Variants in KDM4B observed in about 807,000 individuals in gnomAD.
The protein encoded by KDM4B is lysine demethylase 4B, also known as lysine-specific demethylase 4B.
In KDM4B, 32 loss-of-function variants were observed where a neutral mutation model predicts 125.2. The ratio of observed to expected loss-of-function variants is 0.26; its 90% CI spans 0.19 to 0.34. KDM4B has a LOEUF of 0.34. Ranked by LOEUF, KDM4B falls within the 10% of genes least tolerant of loss-of-function variation. The pLI, the probability that KDM4B is intolerant of heterozygous loss-of-function variation, is 1.00. For synonymous variants in KDM4B, 721 were observed against 677.9 expected (o/e 1.06, Z -0.99); for missense variants, 1,190 against 1,577.7 (o/e 0.75, Z 4.16).
In KDM4B at chr19:5,151,380, G is replaced by A; in HGVS notation, c.3160G>A (p.Glu1054Lys). ...APQEPAFSGE[E>K]AKAAKRPRVG... Reference sequence around the variant, plus strand: ...GCAGGAGCCCGCCTTCTCGGGGGAGGAGGCCAAGGCCGCCAAGCGCCCGCG... The same window carrying A: ...GCAGGAGCCCGCCTTCTCGGGGGAGAAGGCCAAGGCCGCCAAGCGCCCGCG... The change falls in exon 23 of 23, where the codon GAG (glutamate) becomes AAG (lysine). Residue 1054 changes from glutamate (E) to lysine (K), a missense_variant. Glu to Lys is a moderately conservative substitution (Grantham distance 56). Coordinates refer to ENST00000159111, the MANE Select transcript of KDM4B (RefSeq NM_015015.3). 1 of 1,588,030 alleles carries A rather than the reference G, an allele frequency of 6.3e-7. No individual in the cohort carries two copies. Among genetic ancestry groups the A allele is most frequent in the Non-Finnish European group, 8.6e-7 (1 of 1,169,276 alleles).
At chr19:5,058,369 G>A (rs1599525278) in intron 6 of KDM4B, among the ~76,000 whole-genome samples, 1 of 152,220 alleles carries the variant, frequency 6.6e-6, no homozygotes, top group East Asian at 1.9e-4. Context: ...AGGCCCGGGA[G>A]CCCTTGGGAT....
intron 1 of KDM4B, among the ~76,000 whole-genome samples, chr19:5,007,655 C>T (rs2035604795): frequency 6.6e-6 from 1 of 151,530 alleles, no homozygotes; most frequent in South Asian, 2.1e-4. Context: ...AAGCGATCCT[C>T]CCACCTCAGC....
At chr19:5,079,293 TTCA>T (rs2038216178) in intron 8 of KDM4B, 2 of 152,192 alleles carry the variant, frequency 1.3e-5, no homozygotes, top group Admixed American at 6.5e-5. Flanking sequence ...GCAAAGCCTA[TTCA>T]TCATCCCAAC....
At position 5,087,766 on chromosome 19, in the gene KDM4B, G is replaced by A. The variant is rs142228303; in HGVS notation, c.918+5262G>A. 7.4e-3 allele frequency among the ~76,000 whole-genome samples: 1,126 copies of A among 152,292 alleles called. 10 individuals carry two copies. Among genetic ancestry groups the A allele is most frequent in the Non-Finnish European group, 0.012 (816 of 68,028 alleles). On this transcript the variant is annotated intron_variant, in intron 9 of 22. Coordinates refer to ENST00000159111, the MANE Select transcript of KDM4B (RefSeq NM_015015.3). ...GCGGTCTGCAGCCTCGGTGTGCGAC[G>A]TTTCTTAAGCACACAGGTGTTAAGT...
chr19:5,142,044 G>A lies in KDM4B; in HGVS notation c.2551-1923G>A, dbSNP rs1269370825. 6.6e-6 allele frequency among the ~76,000 whole-genome samples: 1 copy of A among 152,172 alleles called. No individual in the cohort carries two copies. Among genetic ancestry groups the A allele is most frequent in the East Asian group, 1.9e-4 (1 of 5,186 alleles). Reference sequence around the variant, plus strand: ...GCCACTGCGCCTCAGTGTGTGACAGGCTGAGGACACAGCTTCATGGGTGGT... The same window carrying A: ...GCCACTGCGCCTCAGTGTGTGACAGACTGAGGACACAGCTTCATGGGTGGT... On this transcript the variant is annotated intron_variant, in intron 18 of 22. Coordinates refer to ENST00000159111, the MANE Select transcript of KDM4B (RefSeq NM_015015.3). The surrounding 1 kb of genome is among the most constrained non-coding windows in gnomAD (Gnocchi z 5.4).
intron 16 of KDM4B, 137 bp downstream of exon 16, chr19:5,137,475 C>A: frequency 8.4e-7 from 1 of 1,197,244 alleles, no homozygotes. Context: ...GGGTGGAACC[C>A]AAGGGATTCC....
At chr19:4,985,289 G>A (rs197152) in intron 1 of KDM4B, among the ~76,000 whole-genome samples, 137,016 of 152,172 alleles carry the variant, frequency 0.9, 61,823 homozygotes, top group African/African-American at 0.92. Context: ...GCGCCATTGC[G>A]CTCCAGCCTG....
At chr19:5,083,227 G>T (rs1056910497) in intron 9 of KDM4B, among the ~76,000 whole-genome samples, 1 of 152,212 alleles carries the variant, frequency 6.6e-6, no homozygotes, top group Admixed American at 6.5e-5. Flanking sequence ...CATCTGTGTG[G>T]CTGTTCTCGA....
In KDM4B at chr19:5,012,346, C is replaced by T. The variant is rs553090943; in HGVS notation, c.-108-3911C>T. ...TGTGGGAACATCCTGCCTGTTGTGG[C>T]GCATTTGTCTCTTGATTAACACGTT... On this transcript the variant is annotated intron_variant, in intron 1 of 22. Transcript: ENST00000159111. Among the ~76,000 whole-genome samples the T allele has an allele frequency of 3.9e-5, 6 of 152,328 alleles. No individual in the cohort carries two copies. In the South Asian group the frequency reaches 8.3e-4, roughly 21 times the overall value.
At position 5,035,242 on chromosome 19, in the gene KDM4B, C is replaced by T. The variant is rs1396385522; in HGVS notation, c.141+2211C>T. Among the ~76,000 whole-genome samples, 2 of 152,152 alleles carry T rather than the reference C, an allele frequency of 1.3e-5. No individual in the cohort carries two copies. The highest frequency in any genetic ancestry group is 2.4e-5 in the African/African-American group (1 of 41,432). On this transcript the variant is annotated intron_variant, in intron 3 of 22. Transcript: ENST00000159111. The surrounding 1 kb of genome is among the most constrained non-coding windows in gnomAD (Gnocchi z 5.3). ...GGGACAGGCGTCGCCTCCCTTTATC[C>T]TGGCACCGCATCTGCCTCTGTCTCC...
chr19:5,105,983 G>A lies in KDM4B; in HGVS notation c.919-4639G>A, dbSNP rs117998711. ...ATAAAGAGATTTAGAGAAATAAGTA[G>A]CGCAGAAGTGTTTACTCCTACAATT... On this transcript the variant is annotated intron_variant, in intron 9 of 22. Transcript: ENST00000159111. Among the ~76,000 whole-genome samples, 79 of 152,354 alleles carry A rather than the reference G, an allele frequency of 5.2e-4. 1 individual carries two copies. The East Asian group carries it at 0.012, about 22-fold the overall frequency.
rs1219758758 is a variant in KDM4B at position 5,141,812 on chromosome 19, G to A, written c.2551-2155G>A. Among the ~76,000 whole-genome samples the A allele has an allele frequency of 6.6e-6, 1 of 152,166 alleles. No homozygotes were observed. Among genetic ancestry groups the A allele is most frequent in the African/African-American group, 2.4e-5 (1 of 41,438 alleles). ...GGCAGGTTCCTGGCAGCAGGCAAAAGCACCGGGAGCTCCCTGGAGGATCTG... is the reference window on the plus strand; with the variant it reads ...GGCAGGTTCCTGGCAGCAGGCAAAAACACCGGGAGCTCCCTGGAGGATCTG... On this transcript the variant is annotated intron_variant, in intron 18 of 22. Coordinates refer to ENST00000159111, the MANE Select transcript of KDM4B (RefSeq NM_015015.3). The surrounding 1 kb of genome is among the most constrained non-coding windows in gnomAD (Gnocchi z 6.4).
intron 1 of KDM4B, among the ~76,000 whole-genome samples, chr19:4,974,918 CCTTT>C (rs2034393187): frequency 2.0e-5 from 3 of 152,200 alleles, no homozygotes; most frequent in Non-Finnish European, 2.9e-5. Flanking sequence ...TCCTTTCCTC[CCTTT>C]CTTCCTCCTG....
chr19:5,085,165 G>A (rs1009483346), intron 9 of KDM4B, among the ~76,000 whole-genome samples: 1 of 152,222 alleles, frequency 6.6e-6, no homozygotes, highest in Admixed American at 6.5e-5. Context: ...AAGAACAGGG[G>A]TCTACAGCAG....
chr19:5,075,241 T>G (rs1385317010), intron 7 of KDM4B: 1 of 152,358 alleles, frequency 6.6e-6, no homozygotes. Context: ...TGAACTGCTC[T>G]TCCTGGCTTG....
Position 5,110,615 on chromosome 19 carries a change from G to T in KDM4B, c.919-7G>T. On this transcript the variant is annotated splice_polypyrimidine_tract_variant and splice_region_variant and intron_variant, in intron 9 of 22. Coordinates refer to ENST00000159111, the MANE Select transcript of KDM4B (RefSeq NM_015015.3). ...CGCGAGGGCTCAGACCGTGTCCCCT[G>T]CCGCAGTGCACGTGCCGGAAGGACA... 5 of 1,612,816 alleles carry T rather than the reference G, an allele frequency of 3.1e-6. No individual in the cohort carries two copies. Among genetic ancestry groups the T allele is most frequent in the Non-Finnish European group, 4.2e-6 (5 of 1,179,820 alleles).
At chr19:4,986,731 T>C (rs764324018) in intron 1 of KDM4B, among the ~76,000 whole-genome samples, 5 of 152,208 alleles carry the variant, frequency 3.3e-5, no homozygotes, top group African/African-American at 4.8e-5. Context: ...GACTCACACC[T>C]GCCCACCTTT....
In KDM4B at chr19:5,114,029, C is replaced by T. The variant is rs1599214457; in HGVS notation, c.1115+3211C>T. On this transcript the variant is annotated intron_variant, in intron 10 of 22. Transcript: ENST00000159111. The surrounding 1 kb of genome is among the most constrained non-coding windows in gnomAD (Gnocchi z 5.8). ...TTGGGGGCTGTTTGTATTCTTCCCC[C>T]TGATGGATGGGTCGCCTAAAACTGC... 7.8e-7 allele frequency: 1 copy of T among 1,283,462 alleles called. No homozygotes were observed. Among genetic ancestry groups the T allele is most frequent in the Non-Finnish European group, 1.0e-6 (1 of 985,284 alleles). 79.5% of individuals were successfully genotyped at this position (1,283,462 alleles called of 1,614,324 possible).
Position 5,041,239 on chromosome 19 carries a change from T to A in KDM4B, c.420T>A (p.Ser140=), listed in dbSNP as rs1360877875. The A allele has an allele frequency of 3.7e-6, 6 of 1,611,936 alleles. No individual in the cohort carries two copies. Among genetic ancestry groups the A allele is most frequent in the Non-Finnish European group, 5.1e-6 (6 of 1,178,492 alleles). ...TCTACGGGGCTGACATCAGCGGCTC[T>A]TTGTATGATGACGTAAGTATGAGGC... The part of the protein sequence containing the change: ...SPIYGADISG[S]LYDDDVAQWN... Residue 140 remains serine, a synonymous_variant, in exon 5 of 23, where the codon TCT becomes TCA. Coordinates refer to ENST00000159111, the MANE Select transcript of KDM4B (RefSeq NM_015015.3).
Sources: gnomAD v4.1 joint callset for allele counts (sites outside exome capture counted in the v4.1 genomes callset) on GRCh38, gnomAD v4.1.1 for gene constraint, Gnocchi (gnomAD v3.1) non-coding constraint, MANE v1.5 for transcripts, NCBI Gene and HGNC (gene_info 2026-07-23, HGNC 2026-07-21) for gene names.